Variants in BCKDHB observed in about 807,000 individuals in gnomAD.
BCKDHB encodes the protein branched chain keto acid dehydrogenase E1 subunit beta, also known as 2-oxoisovalerate dehydrogenase subunit beta, mitochondrial.
In BCKDHB, 41 loss-of-function variants were observed where a neutral mutation model predicts 48.5. That is an observed-to-expected ratio of 0.85 (90% CI 0.66 to 1.10). The LOEUF is 1.10. Ranked by LOEUF, BCKDHB falls within the 50% of genes least tolerant of loss-of-function variation. The pLI, the probability that BCKDHB is intolerant of heterozygous loss-of-function variation, is 0.00. For synonymous variants in BCKDHB, 201 were observed against 174.8 expected (o/e 1.15, Z -1.18); for missense variants, 496 against 494.2 (o/e 1.00, Z -0.03).
At chr6:80,245,845 G>A (rs1214019559) in intron 8 of BCKDHB, among the ~76,000 whole-genome samples, 1 of 152,196 alleles carries the variant, frequency 6.6e-6, no homozygotes, top group Non-Finnish European at 1.5e-5. Context: ...GGAGGCCGAG[G>A]CAGGTGGATC....
intron 7 of BCKDHB, among the ~76,000 whole-genome samples, chr6:80,202,777 A>G (rs776361219): frequency 1.8e-4 from 20 of 109,558 alleles, no homozygotes; most frequent in Admixed American, 3.5e-4. Context: ...AATGTTGGTG[A>G]TTTTTACCCT....
At chr6:80,406,697 G>A in the BCKDHB span, among the ~76,000 whole-genome samples, 1 of 152,208 alleles carries the variant, frequency 6.6e-6, no homozygotes, top group East Asian at 1.9e-4. Flanking sequence ...ACTTTTTGAT[G>A]GGGTTGTTTG....
At chr6:80,409,093 A>G in the BCKDHB span, among the ~76,000 whole-genome samples, 93 of 152,272 alleles carry the variant, frequency 6.1e-4, no homozygotes, top group Non-Finnish European at 1.1e-3. Context: ...TATTGGTTTC[A>G]AAGAACATCT....
chr6:80,419,571 T>C, the BCKDHB span, among the ~76,000 whole-genome samples: 2 of 152,208 alleles, frequency 1.3e-5, no homozygotes, highest in African/African-American at 4.8e-5. Context: ...GGCACTCCTA[T>C]ACCAAACCCT....
chr6:80,238,935 C>A (rs1480823670), intron 8 of BCKDHB, among the ~76,000 whole-genome samples: 1 of 152,118 alleles, frequency 6.6e-6, no homozygotes, highest in African/African-American at 2.4e-5. Context: ...TGAACTCATC[C>A]TTTTTTATGG....
chr6:80,169,784 T>G (rs771997107), intron 5 of BCKDHB: 21 of 1,592,662 alleles, frequency 1.3e-5, no homozygotes, highest in Middle Eastern at 3.3e-4. Flanking sequence ...GTTTTATTCT[T>G]TTTTTCTTAT....
intron 9 of BCKDHB, among the ~76,000 whole-genome samples, chr6:80,306,774 G>A (rs1582542145): frequency 6.6e-6 from 1 of 152,130 alleles, no homozygotes; most frequent in South Asian, 2.1e-4. Flanking sequence ...TGGATTCATA[G>A]CAGGCTTGAG....
intron 9 of BCKDHB, among the ~76,000 whole-genome samples, chr6:80,318,422 C>G (rs1010232806): frequency 3.3e-5 from 5 of 152,106 alleles, no homozygotes; most frequent in Admixed American, 3.3e-4. Context: ...CGTGGTGGCT[C>G]ATGTCTGTAA....
chr6:80,195,584 T>A (rs1292593453), intron 6 of BCKDHB, among the ~76,000 whole-genome samples: 2 of 152,206 alleles, frequency 1.3e-5, no homozygotes, highest in African/African-American at 4.8e-5. Context: ...CCTTAATGAC[T>A]CTGTCATTGA....
the BCKDHB span, among the ~76,000 whole-genome samples, chr6:80,392,505 G>A: frequency 3.3e-5 from 5 of 150,808 alleles, no homozygotes; most frequent in Non-Finnish European, 7.4e-5. Context: ...GTTTAAATTT[G>A]TCCTCAATAA....
intron 8 of BCKDHB, among the ~76,000 whole-genome samples, chr6:80,250,197 G>C (rs1167760224): frequency 6.6e-6 from 1 of 152,132 alleles, no homozygotes; most frequent in African/African-American, 2.4e-5. Context: ...TTGATATTCT[G>C]GTTGAGGAGA....
At chr6:80,359,272 G>A in the BCKDHB span, among the ~76,000 whole-genome samples, 34 of 152,080 alleles carry the variant, frequency 2.2e-4, no homozygotes, top group Admixed American at 1.8e-3. Flanking sequence ...CTCGTAGGAG[G>A]GCAGGAAGGG....
At chr6:80,347,584 T>C (rs1189420863), downstream of BCKDHB, among the ~76,000 whole-genome samples, 1 of 152,212 alleles carries the variant, frequency 6.6e-6, no homozygotes, top group Non-Finnish European at 1.5e-5. Context: ...TTTCTATTCA[T>C]TTGGTATTTT....
At chr6:80,252,754 A>G (rs540645267) in intron 8 of BCKDHB, among the ~76,000 whole-genome samples, 17 of 152,350 alleles carry the variant, frequency 1.1e-4, no homozygotes, top group East Asian at 1.9e-4. Context: ...ATCTGATACT[A>G]TCTTACTACA....
intron 8 of BCKDHB, among the ~76,000 whole-genome samples, chr6:80,248,522 G>C (rs1217587052): frequency 2.0e-5 from 3 of 152,120 alleles, no homozygotes; most frequent in Non-Finnish European, 4.4e-5. Flanking sequence ...CAGTGGTATT[G>C]CTGGGATATG....
intron 3 of BCKDHB, among the ~76,000 whole-genome samples, chr6:80,149,626 C>T (rs1014928333): frequency 6.6e-6 from 1 of 151,222 alleles, no homozygotes; most frequent in African/African-American, 2.4e-5. Flanking sequence ...GGCACATATA[C>T]ACCATGGAAT....
chr6:80,452,574 T>G, the BCKDHB span, among the ~76,000 whole-genome samples: 1 of 152,362 alleles, frequency 6.6e-6, no homozygotes, highest in African/African-American at 2.4e-5. Flanking sequence ...GTTTATTTTA[T>G]TATTATTTTA....
At chr6:80,258,247 A>C (rs1777141874) in intron 8 of BCKDHB, among the ~76,000 whole-genome samples, 1 of 152,176 alleles carries the variant, frequency 6.6e-6, no homozygotes, top group African/African-American at 2.4e-5. Flanking sequence ...TTCAAAGATC[A>C]CTGACAGGTT....
At chr6:80,447,212 G>A in the BCKDHB span, among the ~76,000 whole-genome samples, 5 of 152,008 alleles carry the variant, frequency 3.3e-5, no homozygotes. Flanking sequence ...TTTCTTATCT[G>A]CCAAATGAGG....
Sources: allele counts gnomAD v4.1 joint callset (sites outside exome capture counted in the v4.1 genomes callset), GRCh38; gene constraint gnomAD v4.1.1; transcripts MANE v1.5; gene names NCBI Gene and HGNC (gene_info 2026-07-23, HGNC 2026-07-21).